Variants in ZNF438 observed in about 807,000 individuals in gnomAD.
ZNF438 encodes zinc finger protein 438.
Under a neutral mutation model 38.0 loss-of-function variants are expected in ZNF438, and 25 were observed. The observed-to-expected ratio is 0.66, with a 90% confidence interval of 0.48 to 0.92. ZNF438 has a LOEUF of 0.92. Ranked by LOEUF, ZNF438 falls within the 40% of genes least tolerant of loss-of-function variation. ZNF438 has a pLI of 0.00. For synonymous variants in ZNF438, 372 were observed against 364.1 expected, an observed-to-expected ratio of 1.02 and a Z score of -0.25; for missense variants, 1,007 against 999.6, an observed-to-expected ratio of 1.01 and a Z score of -0.10.
chr10:30,931,116 T>A (rs997047388), intron 2 of ZNF438, among the ~76,000 whole-genome samples: 2 of 152,136 alleles, frequency 1.3e-5, no homozygotes, highest in Non-Finnish European at 2.9e-5. Flanking sequence ...AGAGAGTCAA[T>A]CCACATCTTC....
At chr10:30,866,521 T>C (rs1277105048) in intron 4 of ZNF438, among the ~76,000 whole-genome samples, 1 of 152,210 alleles carries the variant, frequency 6.6e-6, no homozygotes, top group Admixed American at 6.5e-5. Flanking sequence ...AGTTTCCCAG[T>C]AGTTACTTTT....
chr10:30,870,175 T>C (rs1203716171), intron 4 of ZNF438, among the ~76,000 whole-genome samples: 1 of 152,254 alleles, frequency 6.6e-6, no homozygotes, highest in Non-Finnish European at 1.5e-5. Context: ...TGTATTCATA[T>C]ACAGTTGATT....
chr10:30,856,320 T>C (rs191158958), intron 4 of ZNF438, among the ~76,000 whole-genome samples: 26 of 152,344 alleles, frequency 1.7e-4, no homozygotes, highest in Admixed American at 5.9e-4. Context: ...CTCTTTAAGA[T>C]AAAATAAGGC....
chr10:31,009,759 A>G (rs912219781), intron 1 of ZNF438, among the ~76,000 whole-genome samples: 1 of 152,150 alleles, frequency 6.6e-6, no homozygotes, highest in Non-Finnish European at 1.5e-5. Context: ...AATGCAAAGC[A>G]TCAAACTTAC....
At chr10:30,983,059 T>A (rs1381831950) in intron 1 of ZNF438, among the ~76,000 whole-genome samples, 1 of 152,182 alleles carries the variant, frequency 6.6e-6, no homozygotes, top group East Asian at 1.9e-4. Flanking sequence ...TGGACTTTTT[T>A]CTCTAAACAA....
At chr10:30,949,600 A>C (rs931669751) in intron 1 of ZNF438, among the ~76,000 whole-genome samples, 18 of 152,206 alleles carry the variant, frequency 1.2e-4, no homozygotes, top group Admixed American at 2.6e-4. Flanking sequence ...GGGTTGTAAT[A>C]CTAGTCTCTG....
chr10:30,987,273 TC>T (rs1232222599), intron 1 of ZNF438, among the ~76,000 whole-genome samples: 2 of 145,010 alleles, frequency 1.4e-5, no homozygotes, highest in Admixed American at 1.4e-4. Flanking sequence ...TAAGCTGTGA[TC>T]ACACCATTGC....
intron 4 of ZNF438, among the ~76,000 whole-genome samples, chr10:30,854,458 A>G (rs781583906): frequency 3.0e-4 from 45 of 152,208 alleles, no homozygotes; most frequent in Non-Finnish European, 5.6e-4. Flanking sequence ...TTGAATTTTT[A>G]AAGTGGTAAT....
At chr10:31,002,874 T>C (rs554251238) in intron 1 of ZNF438, among the ~76,000 whole-genome samples, 47 of 152,314 alleles carry the variant, frequency 3.1e-4, no homozygotes, top group South Asian at 6.2e-4. Flanking sequence ...AAAACATTTA[T>C]GGGATGTATC....
At chr10:30,984,602 T>C (rs1452487492) in intron 1 of ZNF438, among the ~76,000 whole-genome samples, 176 bp from the exon 2 acceptor site, 5 of 152,134 alleles carry the variant, frequency 3.3e-5, no homozygotes, top group South Asian at 4.1e-4. Context: ...TGTCTTTAGT[T>C]TAAAAATGAA....
chr10:30,868,852 T>C (rs1354777737), intron 4 of ZNF438, among the ~76,000 whole-genome samples: 1 of 152,228 alleles, frequency 6.6e-6, no homozygotes, highest in Non-Finnish European at 1.5e-5. Context: ...CAGTGAAATG[T>C]CTCCAACTGC....
intron 1 of ZNF438, among the ~76,000 whole-genome samples, chr10:30,949,851 C>T (rs1483395884): frequency 6.6e-6 from 1 of 151,906 alleles, no homozygotes; most frequent in Non-Finnish European, 1.5e-5. Flanking sequence ...GACAGAAAGT[C>T]AACAAGGATA....
intron 1 of ZNF438, among the ~76,000 whole-genome samples, chr10:31,015,020 G>A (rs1589729040): frequency 6.6e-6 from 1 of 152,142 alleles, no homozygotes; most frequent in East Asian, 1.9e-4. Context: ...ACCATGCCCA[G>A]TTAATTAAAA....
chr10:30,864,086 C>T (rs1260976450), intron 4 of ZNF438, among the ~76,000 whole-genome samples: 2 of 151,972 alleles, frequency 1.3e-5, no homozygotes, highest in Non-Finnish European at 2.9e-5. Flanking sequence ...ACATTGACTT[C>T]GTGGAAAAAA....
At chr10:30,928,451 G>A (rs1240827525) in intron 2 of ZNF438, among the ~76,000 whole-genome samples, 1 of 151,280 alleles carries the variant, frequency 6.6e-6, no homozygotes, top group Non-Finnish European at 1.5e-5. Flanking sequence ...TTGAAACTTT[G>A]TTATTTATCA....
chr10:31,019,994 G>A (rs2056473713), intron 1 of ZNF438, among the ~76,000 whole-genome samples: 1 of 152,068 alleles, frequency 6.6e-6, no homozygotes, highest in African/African-American at 2.4e-5. Context: ...TTTTATTGAA[G>A]AACATGTAAC....
chr10:30,991,285 A>G (rs1392331975), intron 1 of ZNF438, among the ~76,000 whole-genome samples: 4 of 152,182 alleles, frequency 2.6e-5, no homozygotes, highest in South Asian at 2.1e-4. Context: ...CTAGCCCTCT[A>G]TGGTAGAGTT....
intron 4 of ZNF438, chr10:30,875,496 C>T: frequency 1.3e-5 from 13 of 985,362 alleles, no homozygotes; most frequent in Non-Finnish European, 1.6e-5. Flanking sequence ...TTCTCCTAAG[C>T]TTCTCCTTGC....
At chr10:30,948,119 G>C (rs1414974976) in intron 1 of ZNF438, among the ~76,000 whole-genome samples, 1 of 151,944 alleles carries the variant, frequency 6.6e-6, no homozygotes, top group Non-Finnish European at 1.5e-5. Context: ...TAACTGGGAG[G>C]CACCCCCCAG....
Sources: gnomAD v4.1 joint callset for allele counts (sites outside exome capture counted in the v4.1 genomes callset) on GRCh38, gnomAD v4.1.1 for gene constraint, MANE v1.5 for transcripts, NCBI Gene and HGNC (gene_info 2026-07-23, HGNC 2026-07-21) for gene names.